Variants in PRAMEF2 observed in about 807,000 individuals in gnomAD.
The protein encoded by PRAMEF2 is PRAME family member 2.
In PRAMEF2, 35 loss-of-function variants were observed where a neutral mutation model predicts 38.0. The observed-to-expected ratio is 0.92, with a 90% CI of 0.70 to 1.22. The LOEUF (loss-of-function observed/expected upper bound fraction) is 1.22. Among genes scored for constraint, PRAMEF2 ranks in the 50% most tolerant of loss-of-function variants. The probability of loss-of-function intolerance (pLI) is 0.00; values close to 1 mark genes in which losing one functional copy is unlikely to be tolerated. For missense variants in PRAMEF2, 562 were observed against 553.9 expected (o/e 1.01, Z -0.15); for synonymous variants, 240 against 232.4 (o/e 1.03, Z -0.30).
In PRAMEF2 at chr1:12,861,761, G is replaced by T; in HGVS notation, c.1407G>T (p.Glu469Asp). Residue 469 changes from glutamate (E) to aspartate (D), a missense_variant, in exon 4 of 4, where the codon GAG (glutamate) becomes GAT (aspartate). By Grantham distance (45) the Glu-to-Asp change is conservative. This residue lies in a region of PRAMEF2 where 76 missense variants were observed against 109.6 expected (regional missense o/e 0.69). Transcript: ENST00000240189. ...GCTCATCACCGTCTGAGGAACTGGA[G>T]CTCCATCTTTGCTGCTAGGGAAGGC... ...SCGSSPSEEL[E>D]LHLCC 1 of 1,593,736 alleles carries T rather than the reference G, an allele frequency of 6.3e-7. No individual in the cohort carries two copies. Among genetic ancestry groups the T allele is most frequent in the Non-Finnish European group, 8.5e-7 (1 of 1,170,860 alleles).
chr1:12,859,209 T>G lies in PRAMEF2; in HGVS notation c.200T>G (p.Val67Gly), dbSNP rs3204790. 0.16 allele frequency: 259,701 copies of G among 1,581,104 alleles called. 24,514 individuals are homozygous for G. Among genetic ancestry groups the G allele is most frequent in the East Asian group, 0.3 (13,057 of 43,366 alleles). The change falls in exon 2 of 4, where the codon GTA becomes GGA. Residue 67 changes from valine to glycine, a missense_variant. Physicochemically the swap from Val to Gly is moderately radical, Grantham distance 109. Transcript: ENST00000240189. ...QAWPFTCLPL[V>G]SLMKTLHLEP... Reference sequence around the variant, plus strand: ...TGGCCTTTCACCTGCCTCCCTCTGGTATCGCTGATGAAGACGCTTCATCTG... The same window carrying G: ...TGGCCTTTCACCTGCCTCCCTCTGGGATCGCTGATGAAGACGCTTCATCTG...
At chr1:12,858,363 T>C (rs1313098196) in intron 1 of PRAMEF2, among the ~76,000 whole-genome samples, 1 of 150,148 alleles carries the variant, frequency 6.7e-6, no homozygotes, top group African/African-American at 2.4e-5. Flanking sequence ...GTCAAATGAT[T>C]CTTAACTTTT....
At chr1:12,857,372 T>A (rs1360260310) in intron 1 of PRAMEF2, among the ~76,000 whole-genome samples, 1 of 149,730 alleles carries the variant, frequency 6.7e-6, no homozygotes, top group Non-Finnish European at 1.5e-5. Context: ...AGCAGGTTTT[T>A]TAAAAATATA....
At position 12,859,716 on chromosome 1, in the gene PRAMEF2, A is replaced by G. The variant is rs556033106; in HGVS notation, c.311A>G (p.Asp104Gly). Residue 104 changes from aspartate to glycine, a missense_variant, in exon 3 of 4, where the codon GAT becomes GGT. Around this residue, in one of 2 missense-constraint regions of PRAMEF2, gnomAD observed 486 missense variants for 444.2 expected, o/e 1.09. Coordinates refer to ENST00000240189, the MANE Select transcript of PRAMEF2 (RefSeq NM_023014.1). The stretch of plus-strand genomic sequence containing the variant: ...AGGAGGTGGAAACTTCAAGTGCTGG[A>G]TTTGCGGGATGTTGATGAGAATTTC... The part of the protein sequence containing the change: ...RPRRWKLQVL[D>G]LRDVDENFWA... 4 of 1,606,564 alleles carry G rather than the reference A, an allele frequency of 2.5e-6. No homozygotes were observed. The highest frequency in any genetic ancestry group is 2.7e-5 in the African/African-American group (2 of 74,418).
rs140264529 is a variant in PRAMEF2, at chr1:12,860,065, G to T, written c.660G>T (p.Leu220=). The T allele has an allele frequency of 3.0e-5, 48 of 1,606,648 alleles. No individual in the cohort carries two copies. The highest frequency in any genetic ancestry group is 4.0e-5 in the African/African-American group (3 of 74,280). The part of the protein sequence containing the change: ...LEIHNTCWPH[L]IRKLYCYLKE... ...TTCACAACACGTGCTGGCCACATCTGATAAGAAAGCTTTATTGTTACCTGA... is the reference window on the plus strand; with the variant it reads ...TTCACAACACGTGCTGGCCACATCTTATAAGAAAGCTTTATTGTTACCTGA... The change falls in exon 3 of 4, where the codon CTG becomes CTT. Residue 220 remains leucine (L), a synonymous_variant. Coordinates refer to ENST00000240189, the MANE Select transcript of PRAMEF2 (RefSeq NM_023014.1).
At position 12,860,414 on chromosome 1, in the gene PRAMEF2, T is replaced by C; in HGVS notation, c.866+143T>C. 19 of 1,497,892 alleles carry C rather than the reference T, an allele frequency of 1.3e-5. No homozygotes were observed. The South Asian group carries it at 2.2e-4, about 17-fold the overall frequency. 92.8% of individuals were successfully genotyped at this position (1,497,892 alleles called of 1,614,324 possible). The stretch of plus-strand genomic sequence containing the variant: ...ACCAGAATGTCAACACATTGTCCCA[T>C]TCAGTGTTCCATGTCCTGGAGTGGC... On this transcript the variant is annotated intron_variant, in intron 3 of 3. Transcript: ENST00000240189.
intron 1 of PRAMEF2, among the ~76,000 whole-genome samples, chr1:12,857,563 T>C (rs56203441): frequency 0.15 from 20,123 of 134,874 alleles, 4,138 homozygotes; most frequent in African/African-American, 0.2. Context: ...TTGCTCAGAT[T>C]GTGGGATTTA....
At position 12,859,109 on chromosome 1, in the gene PRAMEF2, G is replaced by T. The variant is rs1326069111; in HGVS notation, c.100G>T (p.Val34Leu). The T allele has an allele frequency of 4.4e-6, 7 of 1,606,260 alleles. 1 individual carries two copies. In the South Asian group the frequency reaches 6.6e-5, roughly 15 times the overall value. Residue 34 changes from valine to leucine, a missense_variant, in exon 2 of 4, where the codon GTG (valine) becomes TTG (leucine). Physicochemically the swap from Val to Leu is conservative, Grantham distance 32 (BLOSUM62 1). Around this residue, in one of 2 missense-constraint regions of PRAMEF2, gnomAD observed 486 missense variants for 444.2 expected, o/e 1.09. Transcript: ENST00000240189. ...SISAMEELPRVLYLPLFREAF... is the reference protein window; with the variant it reads ...SISAMEELPRLLYLPLFREAF... ...CTCTGCCATGGAGGAGCTGCCCAGG[G>T]TGCTCTATCTCCCACTCTTCAGGGA...
Position 12,859,000 on chromosome 1 carries a change from A to T in PRAMEF2, c.-10A>T, listed in dbSNP as rs1255746634. 1 of 1,597,160 alleles carries T rather than the reference A, an allele frequency of 6.3e-7. No homozygotes were observed. Among genetic ancestry groups the T allele is most frequent in the Non-Finnish European group, 8.5e-7 (1 of 1,174,394 alleles). On this transcript the variant is annotated 5_prime_UTR_variant, in exon 2 of 4. Coordinates refer to ENST00000240189, the MANE Select transcript of PRAMEF2 (RefSeq NM_023014.1). ...TGTCTTCTAGAGATTTTTCTTGCAG[A>T]TCCATCAGGATGAGCATCCAGGCCC...
rs138080274 is a variant in PRAMEF2, at chr1:12,860,232, T to A, written c.827T>A (p.Leu276Ter). The A allele has an allele frequency of 6.8e-5, 110 of 1,606,946 alleles. 7 individuals carry two copies. The African/African-American group carries it at 1.2e-3, about 17-fold the overall frequency. ...LEHLQLLKIK[L>*]ITFFSGHLEQ... ...CACCTCCAGTTGCTTAAAATAAAAT[T>A]GATCACCTTCTTCAGTGGGCACCTG... The change falls in exon 3 of 4, where the codon TTG (leucine) becomes TAG (stop). Residue 276 changes from leucine (L) to a stop codon, truncating the protein, a stop_gained. Transcript: ENST00000240189. LOFTEE classifies it high-confidence loss of function.
In PRAMEF2 at chr1:12,857,367, GT is replaced by G. The variant is rs1426412028; in HGVS notation, c.-26+226del. Among the ~76,000 whole-genome samples, 5 of 148,632 alleles carry G rather than the reference GT, an allele frequency of 3.4e-5. 1 individual carries two copies. The highest frequency in any genetic ancestry group is 7.5e-5 in the Non-Finnish European group (5 of 67,036). On this transcript the variant is annotated intron_variant, in intron 1 of 3. Transcript: ENST00000240189. ...CATTTTAAAATTCTTATGGAAGCAGGTTTTTTAAAAATATATTAAAACTTTA... is the reference window on the plus strand; with the variant it reads ...CATTTTAAAATTCTTATGGAAGCAGGTTTTTAAAAATATATTAAAACTTTA...
chr1:12,859,173 T>G lies in PRAMEF2; in HGVS notation c.164T>G (p.Met55Arg). Residue 55 changes from methionine (M) to arginine (R), a missense_variant, in exon 2 of 4, where the codon ATG (methionine) becomes AGG (arginine). Physicochemically the swap from Met to Arg is moderately conservative, Grantham distance 91 (BLOSUM62 -1). This residue lies in a region of PRAMEF2 where 486 missense variants were observed against 444.2 expected (regional missense o/e 1.09). Transcript: ENST00000240189. ...SRRHFQTLTV[M>R]VQAWPFTCLP... ...AGACACTTCCAGACTCTGACGGTGA[T>G]GGTGCAGGCCTGGCCTTTCACCTGC... 1 of 1,608,484 alleles carries G rather than the reference T, an allele frequency of 6.2e-7. No individual in the cohort carries two copies. The highest frequency in any genetic ancestry group is 8.5e-7 in the Non-Finnish European group (1 of 1,177,386).
rs1388588785 is a variant in PRAMEF2 at position 12,861,051 on chromosome 1, GC to G, written c.867-166del. Reference sequence around the variant, plus strand: ...AAAGGGCTGAGGCTAAAATGGGACAGCCCCTGAACGATCAGGGTCCTCATCA... The same window carrying G: ...AAAGGGCTGAGGCTAAAATGGGACAGCCCTGAACGATCAGGGTCCTCATCA... On this transcript the variant is annotated intron_variant, in intron 3 of 3. Transcript: ENST00000240189. Among the ~76,000 whole-genome samples the G allele has an allele frequency of 6.7e-5, 10 of 150,060 alleles. 1 individual carries two copies. The highest frequency in any genetic ancestry group is 1.7e-4 in the African/African-American group (7 of 40,556).
At position 12,861,384 on chromosome 1, in the gene PRAMEF2, C is replaced by T. The variant is rs1270823259; in HGVS notation, c.1030C>T (p.Leu344=). 1.2e-6 allele frequency: 2 copies of T among 1,604,628 alleles called. No individual in the cohort carries two copies. Among genetic ancestry groups the T allele is most frequent in the African/African-American group, 2.7e-5 (2 of 74,252 alleles). ...CAGTCTTGAACCCCTAGGAGCTCTG[C>T]TAGAGAAAATTGCTGCCTCTCTCGA... The part of the protein sequence containing the change: ...RISLEPLGAL[L]EKIAASLETL... Residue 344 remains leucine, a synonymous_variant, in exon 4 of 4, where the codon CTA becomes TTA. Transcript: ENST00000240189.
At chr1:12,859,407 G>A (rs1640503041) in intron 2 of PRAMEF2, 111 bp downstream of exon 2, 4 of 1,567,916 alleles carry the variant, frequency 2.6e-6, no homozygotes, top group Non-Finnish European at 3.5e-6. Context: ...TGATGGTGTT[G>A]GCGAGGAAGC....
intron 3 of PRAMEF2, among the ~76,000 whole-genome samples, chr1:12,860,707 A>C (rs1156709959): frequency 1.3e-5 from 2 of 150,374 alleles, no homozygotes; most frequent in Non-Finnish European, 3.0e-5. Context: ...TCCTGTCTTT[A>C]ATTCCCTGTC....
chr1:12,859,613 G>A (rs9728931), intron 2 of PRAMEF2, 80 bp from the exon 3 acceptor site: 78,632 of 1,582,000 alleles, frequency 0.05, 37 homozygotes, highest in East Asian at 0.22. Flanking sequence ...AGGAGCAGCT[G>A]ATTTATGGGA....
rs553285373 is a variant in PRAMEF2, at chr1:12,859,289, C to G, written c.280C>G (p.Arg94Gly). The change falls in exon 2 of 4, where the codon CGC becomes GGC. Residue 94 changes from arginine to glycine, a missense_variant. Coordinates refer to ENST00000240189, the MANE Select transcript of PRAMEF2 (RefSeq NM_023014.1). ...TCATATGCTGCTTACACAGAAGGAT[C>G]GCCCCAGGTGAGGTGACCCAGGAGG... ...GLHMLLTQKD[R>G]PRRWKLQVLD... 6.2e-7 allele frequency: 1 copy of G among 1,609,812 alleles called. No individual in the cohort carries two copies.
intron 1 of PRAMEF2, among the ~76,000 whole-genome samples, 161 bp from the exon 2 acceptor site, chr1:12,858,824 C>A (rs1478343289): frequency 7.6e-6 from 1 of 132,116 alleles, no homozygotes; most frequent in African/African-American, 2.5e-5. Context: ...CTGGTACCAG[C>A]AGAAGCAGAA....
Sources: allele counts gnomAD v4.1 joint callset (sites outside exome capture counted in the v4.1 genomes callset), GRCh38; gene constraint gnomAD v4.1.1; regional missense constraint gnomAD v4.1.1; transcripts MANE v1.5; gene names NCBI Gene and HGNC (gene_info 2026-07-23, HGNC 2026-07-21).